The following GABRG3 variants were observed in gnomAD, a reference collection of about 807,000 sequenced individuals.
The protein encoded by GABRG3 is gamma-aminobutyric acid receptor subunit gamma-3.
GABRG3 carries 25 observed loss-of-function variants against 48.8 expected under a neutral mutation model. The observed-to-expected ratio is 0.51, with a 90% CI of 0.37 to 0.72. The LOEUF is 0.72. Among genes scored for constraint, GABRG3 ranks in the 30% least tolerant of loss-of-function variants. The pLI, the probability that GABRG3 is intolerant of heterozygous loss-of-function variation, is 0.00. For missense variants in GABRG3, 394 were observed against 577.9 expected, an observed-to-expected ratio of 0.68 and a Z score of 3.26; for synonymous variants, 227 against 217.6, an observed-to-expected ratio of 1.04 and a Z score of -0.38.
intron 3 of GABRG3, among the ~76,000 whole-genome samples, chr15:27,085,657 A>G (rs1018563480): frequency 6.6e-6 from 1 of 152,192 alleles, no homozygotes; most frequent in Non-Finnish European, 1.5e-5. Flanking sequence ...TAATCTGGTG[A>G]TCAATAACAA....
intron 3 of GABRG3, among the ~76,000 whole-genome samples, chr15:27,093,691 T>C (rs1897229817): frequency 6.6e-6 from 1 of 152,158 alleles, no homozygotes; most frequent in Non-Finnish European, 1.5e-5. Context: ...GCAACAATAT[T>C]TGGGCACTCA....
intron 3 of GABRG3, among the ~76,000 whole-genome samples, chr15:27,272,760 A>C (rs1007858068): frequency 6.6e-6 from 1 of 152,220 alleles, no homozygotes; most frequent in Non-Finnish European, 1.5e-5. Context: ...TTTTCCTTCA[A>C]GAAAGTAACA....
intron 5 of GABRG3, among the ~76,000 whole-genome samples, chr15:27,459,044 GTCT>G (rs1297331718): frequency 3.3e-5 from 5 of 152,104 alleles, no homozygotes; most frequent in Non-Finnish European, 7.3e-5. Flanking sequence ...ACACCCATAA[GTCT>G]TCTCTCTCCA....
At chr15:27,219,585 A>G (rs1216070353) in intron 3 of GABRG3, among the ~76,000 whole-genome samples, 1 of 151,828 alleles carries the variant, frequency 6.6e-6, no homozygotes, top group Admixed American at 6.6e-5. Flanking sequence ...CTCTGTCCAC[A>G]CCCTCCTTAG....
rs1895727062 is a variant in GABRG3, at chr15:27,380,309, C to A, written c.574+51421C>A. Among the ~76,000 whole-genome samples, 2 of 152,024 alleles carry A rather than the reference C, an allele frequency of 1.3e-5. 1 individual carries two copies. Among genetic ancestry groups the A allele is most frequent in the African/African-American group, 4.8e-5 (2 of 41,394 alleles). ...ATGTTGTCCACTTTTTCCATTAGAT[C>A]CTTTAGCATATTAATCATAATTGTT... is the stretch of plus-strand genomic sequence containing the variant. On this transcript the variant is annotated intron_variant, in intron 5 of 9. Coordinates refer to ENST00000615808, the MANE Select transcript of GABRG3 (RefSeq NM_033223.5).
chr15:27,415,055 C>G (rs1426438729), intron 5 of GABRG3, among the ~76,000 whole-genome samples: 3 of 152,006 alleles, frequency 2.0e-5, no homozygotes, highest in Admixed American at 6.5e-5. Context: ...GGTAAATTAT[C>G]AAGTCAATAT....
At position 27,538,104 on chromosome 15, in the gene GABRG3, A is replaced by G. The variant is rs1891590288; in HGVS notation, c.*5223A>G. 6.6e-6 allele frequency: 1 copy of G among 152,198 alleles called. No homozygotes were observed. Among genetic ancestry groups the G allele is most frequent in the African/African-American group, 2.4e-5 (1 of 41,430 alleles). 9.4% of individuals were successfully genotyped at this position (152,198 alleles called of 1,614,324 possible). A position where few individuals can be genotyped will look rare whatever the true frequency, so the allele number is the denominator to read the frequency against. ...TGATCCACCCGCCTTGGCCTCCCAA[A>G]GTACTGGGATTACAGGCGTGAGCCA... On this transcript the variant is annotated 3_prime_UTR_variant, in exon 10 of 10. Coordinates refer to ENST00000615808, the MANE Select transcript of GABRG3 (RefSeq NM_033223.5).
chr15:27,301,896 G>GA (rs1471573319), intron 3 of GABRG3, among the ~76,000 whole-genome samples: 1 of 152,088 alleles, frequency 6.6e-6, no homozygotes, highest in Non-Finnish European at 1.5e-5. Context: ...ATGGAGGCCA[G>GA]AAAGAAGAGG....
intron 3 of GABRG3, among the ~76,000 whole-genome samples, chr15:27,326,184 T>A (rs1354738521): frequency 6.6e-6 from 1 of 152,220 alleles, no homozygotes; most frequent in African/African-American, 2.4e-5. Context: ...AATTTGTACC[T>A]CTTCAGCCTG....
chr15:27,233,350 T>C (rs760954929), intron 3 of GABRG3, among the ~76,000 whole-genome samples: 14 of 151,948 alleles, frequency 9.2e-5, no homozygotes, highest in Non-Finnish European at 1.8e-4. Context: ...CAGGATGCTC[T>C]AACAGAATAC....
At chr15:27,072,950 C>T (rs1374285448) in intron 3 of GABRG3, among the ~76,000 whole-genome samples, 1 of 152,170 alleles carries the variant, frequency 6.6e-6, no homozygotes, top group Admixed American at 6.5e-5. Flanking sequence ...TCAGACTGAC[C>T]CTATTTTCCA....
intron 3 of GABRG3, among the ~76,000 whole-genome samples, chr15:27,070,270 G>A (rs1347871011): frequency 6.6e-6 from 1 of 152,218 alleles, no homozygotes; most frequent in Non-Finnish European, 1.5e-5. Flanking sequence ...TAAGGATATT[G>A]CTTCCCATTG....
chr15:27,524,689 C>A (rs2150863829), intron 7 of GABRG3, among the ~76,000 whole-genome samples: 1 of 152,046 alleles, frequency 6.6e-6, no homozygotes, highest in East Asian at 1.9e-4. Flanking sequence ...GGAGGAACCA[C>A]TAAAAAGGCT....
intron 2 of GABRG3, among the ~76,000 whole-genome samples, chr15:26,988,874 A>C (rs1324911363): frequency 6.6e-6 from 1 of 152,186 alleles, no homozygotes; most frequent in East Asian, 1.9e-4. Flanking sequence ...AGCATGGCTG[A>C]AAATATTTTT....
At chr15:27,167,203 C>T (rs1412683164) in intron 3 of GABRG3, among the ~76,000 whole-genome samples, 2 of 152,194 alleles carry the variant, frequency 1.3e-5, no homozygotes, top group African/African-American at 4.8e-5. Flanking sequence ...TGCCCGAGGT[C>T]CCCTGGGCCT....
chr15:27,343,291 A>G (rs1418895229), intron 5 of GABRG3, among the ~76,000 whole-genome samples: 3 of 152,188 alleles, frequency 2.0e-5, no homozygotes, highest in African/African-American at 7.2e-5. Flanking sequence ...GTCATGAGCC[A>G]GGTGTGTCTC....
rs117009314 is a variant in GABRG3 at position 27,319,769 on chromosome 15, C to T, written c.271-7040C>T. 1.3e-5 allele frequency among the ~76,000 whole-genome samples: 2 copies of T among 152,208 alleles called. No homozygotes were observed. Among genetic ancestry groups the T allele is most frequent in the East Asian group, 1.9e-4 (1 of 5,170 alleles). On this transcript the variant is annotated intron_variant, in intron 3 of 9. Coordinates refer to ENST00000615808, the MANE Select transcript of GABRG3 (RefSeq NM_033223.5). This position sits in a 1 kb window ranked among gnomAD's most constrained non-coding sequence, Gnocchi z 4.4. ...TTGGTTTGTAAGCAAGCACGATACA[C>T]GGAGCCTTGAGTATCATGCAAAGAA...
At chr15:27,061,172 G>C (rs1296348342) in intron 3 of GABRG3, among the ~76,000 whole-genome samples, 1 of 152,246 alleles carries the variant, frequency 6.6e-6, no homozygotes, top group Non-Finnish European at 1.5e-5. Context: ...ATGCTGGTAA[G>C]AAGTGAAAGG....
chr15:27,174,626 C>T (rs1223380830), intron 3 of GABRG3, among the ~76,000 whole-genome samples: 1 of 150,900 alleles, frequency 6.6e-6, no homozygotes, highest in African/African-American at 2.4e-5. Flanking sequence ...CTCACTCTCA[C>T]ATCTTGTTGA....
Sources: gnomAD v4.1 joint callset for allele counts (sites outside exome capture counted in the v4.1 genomes callset) on GRCh38, gnomAD v4.1.1 for gene constraint, Gnocchi (gnomAD v3.1) non-coding constraint, MANE v1.5 for transcripts, NCBI Gene and HGNC (gene_info 2026-07-23, HGNC 2026-07-21) for gene names.